Variants in MON1B observed in about 807,000 individuals in gnomAD.
The protein encoded by MON1B is vacuolar fusion protein MON1 homolog B.
MON1B carries 26 observed loss-of-function variants against 45.1 expected under a neutral mutation model. The ratio of observed to expected loss-of-function variants is 0.58; its 90% CI spans 0.42 to 0.80. The LOEUF (loss-of-function observed/expected upper bound fraction) is 0.80. Among genes scored for constraint, MON1B ranks in the 30% least tolerant of loss-of-function variants. The probability of loss-of-function intolerance (pLI) is 0.00; values close to 1 mark genes in which losing one functional copy is unlikely to be tolerated. For missense variants in MON1B, 737 were observed against 754.5 expected (o/e 0.98, Z 0.27); for synonymous variants, 395 against 320.2 (o/e 1.23, Z -2.49).
In MON1B at chr16:77,193,593, C is replaced by A. The variant is rs370682949; in HGVS notation, c.291C>A (p.Gly97=). 6.2e-7 allele frequency: 1 copy of A among 1,613,926 alleles called. No individual in the cohort carries two copies. Among genetic ancestry groups the A allele is most frequent in the Non-Finnish European group, 8.5e-7 (1 of 1,179,948 alleles). ...CTGAGAGTAGCTCTGGAGGCCAGGG[C>A]GGGGACCCCAGTGATGAGGAGTGGC... The part of the protein sequence containing the change: ...CSPESSSGGQ[G]GDPSDEEWRS... Residue 97 remains glycine, a synonymous_variant, in exon 3 of 6, where the codon GGC becomes GGA. Transcript: ENST00000248248. The surrounding 1 kb of genome is among the most constrained non-coding windows in gnomAD (Gnocchi z 5.0).
At position 77,193,071 on chromosome 16, in the gene MON1B, G is replaced by A. The variant is rs1031380191; in HGVS notation, c.149-380G>A. 2.6e-5 allele frequency among the ~76,000 whole-genome samples: 4 copies of A among 151,992 alleles called. No individual in the cohort carries two copies. The highest frequency in any genetic ancestry group is 9.7e-5 in the African/African-American group (4 of 41,342). On this transcript the variant is annotated intron_variant, in intron 2 of 5. Transcript: ENST00000248248. The surrounding 1 kb of genome is among the most constrained non-coding windows in gnomAD (Gnocchi z 5.0). Reference sequence around the variant, plus strand: ...AGCAGATATCAGGAGAAAAAATAGCGGTCAGAGGAGTTAATGGGGGATCAT... The same window carrying A: ...AGCAGATATCAGGAGAAAAAATAGCAGTCAGAGGAGTTAATGGGGGATCAT...
At chr16:77,196,549 G>C (rs191670683) in intron 5 of MON1B, among the ~76,000 whole-genome samples, 136 of 152,278 alleles carry the variant, frequency 8.9e-4, no homozygotes, top group African/African-American at 2.8e-3. Context: ...GCTGAGGCAG[G>C]CTGATCACTT....
intron 5 of MON1B, among the ~76,000 whole-genome samples, chr16:77,196,111 C>G (rs1428361481): frequency 1.3e-5 from 2 of 152,156 alleles, no homozygotes; most frequent in African/African-American, 2.4e-5. Flanking sequence ...CCTGGGGTAT[C>G]CTTCCCTTTG....
At position 77,194,538 on chromosome 16, in the gene MON1B, C is replaced by A. The variant is rs200069621; in HGVS notation, c.679C>A (p.Arg227Ser). The change falls in exon 4 of 6, where the codon CGC (arginine) becomes AGC (serine). Residue 227 changes from arginine to serine, a missense_variant. Coordinates refer to ENST00000248248, the MANE Select transcript of MON1B (RefSeq NM_014940.4). This position sits in a 1 kb window ranked among gnomAD's most constrained non-coding sequence, Gnocchi z 8.1. ...DLRRLLAGSE[R>S]TLDRLLDSME... ...CCGCCGCCTGCTGGCTGGTTCAGAGCGCACACTGGACCGACTTCTGGACAG... is the reference window on the plus strand; with the variant it reads ...CCGCCGCCTGCTGGCTGGTTCAGAGAGCACACTGGACCGACTTCTGGACAG... 179 of 1,613,900 alleles carry A rather than the reference C, an allele frequency of 1.1e-4. No homozygotes were observed. The Middle Eastern group carries it at 1.3e-3, about 12-fold the overall frequency.
chr16:77,197,352 T>C (rs1037983137), intron 5 of MON1B, among the ~76,000 whole-genome samples: 5 of 151,830 alleles, frequency 3.3e-5, no homozygotes, highest in Admixed American at 1.3e-4. Context: ...GCCGAGACCG[T>C]GCCACTGCAC....
chr16:77,194,490 G>A lies in MON1B; in HGVS notation c.631G>A (p.Ala211Thr), dbSNP rs752639410. 6 of 1,614,034 alleles carry A rather than the reference G, an allele frequency of 3.7e-6. No individual in the cohort carries two copies. The highest frequency in any genetic ancestry group is 3.3e-5 in the South Asian group (3 of 91,084). ...ACGTGCAAGTGTCGCCCGCATCTTC[G>A]CACACAAGCAGAACTATGACCTCCG... Reference protein sequence around the residue: ...LTRASVARIFAHKQNYDLRRL... With the variant: ...LTRASVARIFTHKQNYDLRRL... Residue 211 changes from alanine (A) to threonine (T), a missense_variant, in exon 4 of 6, where the codon GCA becomes ACA. Transcript: ENST00000248248. This position sits in a 1 kb window ranked among gnomAD's most constrained non-coding sequence, Gnocchi z 8.1.
At chr16:77,191,714 C>T in intron 2 of MON1B, 81 bp downstream of exon 2, 6 of 1,476,448 alleles carry the variant, frequency 4.1e-6, no homozygotes, top group African/African-American at 1.4e-5. Flanking sequence ...AGTGGGTGAC[C>T]AGTAGGGAGT....
In MON1B at chr16:77,194,216, G is replaced by A. The variant is rs2054640649; in HGVS notation, c.476-119G>A. The A allele has an allele frequency of 2.2e-6, 2 of 907,860 alleles. No homozygotes were observed. The highest frequency in any genetic ancestry group is 3.6e-6 in the Non-Finnish European group (2 of 554,316). 56.2% of individuals were successfully genotyped at this position (907,860 alleles called of 1,614,324 possible). On this transcript the variant is annotated intron_variant, in intron 3 of 5. Coordinates refer to ENST00000248248, the MANE Select transcript of MON1B (RefSeq NM_014940.4). This position sits in a 1 kb window ranked among gnomAD's most constrained non-coding sequence, Gnocchi z 8.1. Reference sequence around the variant, plus strand: ...ACCCCAGTCCAGGTGCCCACAGAGTGAGCATGTGGACTCGGGCCTGGTGTG... The same window carrying A: ...ACCCCAGTCCAGGTGCCCACAGAGTAAGCATGTGGACTCGGGCCTGGTGTG...
At position 77,201,596 on chromosome 16, in the gene MON1B, A is replaced by C. The variant is rs1024242624; in HGVS notation, c.*3288A>C. On this transcript the variant is annotated 3_prime_UTR_variant, in exon 6 of 6. Transcript: ENST00000248248. ...AAAATGCTCTTCCACTTCGGCAGTG[A>C]CCATGCGATGTAATCAAAGGAGAAT... 1 of 152,196 alleles carries C rather than the reference A, an allele frequency of 6.6e-6. No individual in the cohort carries two copies. Among genetic ancestry groups the C allele is most frequent in the Non-Finnish European group, 1.5e-5 (1 of 68,030 alleles). The allele number at this position is 152,196 out of a possible 1,614,324, so 9.4% of individuals were successfully genotyped here.
chr16:77,192,560 C>G (rs969532174), intron 2 of MON1B, among the ~76,000 whole-genome samples: 4 of 151,858 alleles, frequency 2.6e-5, no homozygotes, highest in African/African-American at 9.7e-5. Flanking sequence ...TCATTAAAGT[C>G]TTGTGTGTTA....
chr16:77,193,360 G>T lies in MON1B; in HGVS notation c.149-91G>T, dbSNP rs910103581. 3.9e-6 allele frequency: 5 copies of T among 1,289,382 alleles called. No homozygotes were observed. The highest frequency in any genetic ancestry group is 2.4e-5 in the Admixed American group (1 of 42,386). 79.9% of individuals were successfully genotyped at this position (1,289,382 alleles called of 1,614,324 possible). A position where few individuals can be genotyped will look rare whatever the true frequency, so the allele number is the denominator to read the frequency against. On this transcript the variant is annotated intron_variant, in intron 2 of 5. Coordinates refer to ENST00000248248, the MANE Select transcript of MON1B (RefSeq NM_014940.4). The surrounding 1 kb of genome is among the most constrained non-coding windows in gnomAD (Gnocchi z 5.0). ...TTCTGCGTCAGCATGCAGGGGTCATGGAGGGGCTAGTAGATATTTGGTGGG... is the reference window on the plus strand; with the variant it reads ...TTCTGCGTCAGCATGCAGGGGTCATTGAGGGGCTAGTAGATATTTGGTGGG...
chr16:77,193,677 G>A lies in MON1B; in HGVS notation c.375G>A (p.Arg125=). The A allele has an allele frequency of 6.2e-7, 1 of 1,614,110 alleles. No homozygotes were observed. The highest frequency in any genetic ancestry group is 8.5e-7 in the Non-Finnish European group (1 of 1,179,980). The part of the protein sequence containing the change: ...LSEAGKPIYS[R]YGSVEALSAT... ...AGGCTGGCAAGCCCATCTACTCGCG[G>A]TATGGTAGTGTGGAGGCGCTGTCGG... The change falls in exon 3 of 6, where the codon CGG becomes CGA. Residue 125 remains arginine, a synonymous_variant. Coordinates refer to ENST00000248248, the MANE Select transcript of MON1B (RefSeq NM_014940.4). This position sits in a 1 kb window ranked among gnomAD's most constrained non-coding sequence, Gnocchi z 5.0.
chr16:77,194,199 C>A lies in MON1B; in HGVS notation c.476-136C>A, dbSNP rs773260699. The A allele has an allele frequency of 1.2e-6, 1 of 808,174 alleles. No homozygotes were observed. The highest frequency in any genetic ancestry group is 2.1e-6 in the Non-Finnish European group (1 of 469,818). The allele number at this position is 808,174 out of a possible 1,614,324, so 50.1% of individuals were successfully genotyped here. A position where few individuals can be genotyped will look rare whatever the true frequency, so the allele number is the denominator to read the frequency against. The stretch of plus-strand genomic sequence containing the variant: ...TCCTCCAGCTTGTCCTTACCCCAGT[C>A]CAGGTGCCCACAGAGTGAGCATGTG... On this transcript the variant is annotated intron_variant, in intron 3 of 5. Transcript: ENST00000248248. This position sits in a 1 kb window ranked among gnomAD's most constrained non-coding sequence, Gnocchi z 8.1.
In MON1B at chr16:77,193,932, G is replaced by C; in HGVS notation, c.475+155G>C. ...AGCTCTGTCAGTGGCGGGAGGTGGGGGGGTTCATCTCTGTCTGGCCTGCTG... is the reference window on the plus strand; with the variant it reads ...AGCTCTGTCAGTGGCGGGAGGTGGGCGGGTTCATCTCTGTCTGGCCTGCTG... On this transcript the variant is annotated intron_variant, in intron 3 of 5. Transcript: ENST00000248248. This position sits in a 1 kb window ranked among gnomAD's most constrained non-coding sequence, Gnocchi z 5.0. The C allele has an allele frequency of 1.3e-6, 1 of 759,066 alleles. No homozygotes were observed. Among genetic ancestry groups the C allele is most frequent in the South Asian group, 1.9e-5 (1 of 53,930 alleles). The allele number at this position is 759,066 out of a possible 1,614,324, so 47.0% of individuals were successfully genotyped here.
chr16:77,192,647 G>A lies in MON1B; in HGVS notation c.149-804G>A, dbSNP rs551445725. On this transcript the variant is annotated intron_variant, in intron 2 of 5. Transcript: ENST00000248248. Reference sequence around the variant, plus strand: ...GAAGGTGGTCAGGGGAGTGACTGAAGGTCTCTGAAGTGCTGGGTGTTAGTG... The same window carrying A: ...GAAGGTGGTCAGGGGAGTGACTGAAAGTCTCTGAAGTGCTGGGTGTTAGTG... Among the ~76,000 whole-genome samples the A allele has an allele frequency of 7.9e-5, 12 of 152,218 alleles. No individual in the cohort carries two copies. In the South Asian group the frequency reaches 2.3e-3, roughly 29 times the overall value.
chr16:77,200,503 C>T lies in MON1B; in HGVS notation c.*2195C>T, dbSNP rs1450103406. The stretch of plus-strand genomic sequence containing the variant: ...GGGCTTGGTGGCTTATGCCTGTAAT[C>T]CCAGCACTTTGGAAGGCCGAGGCGG... On this transcript the variant is annotated 3_prime_UTR_variant, in exon 6 of 6. Transcript: ENST00000248248. 6.6e-6 allele frequency: 1 copy of T among 150,822 alleles called. No homozygotes were observed. The highest frequency in any genetic ancestry group is 6.6e-5 in the Admixed American group (1 of 15,174). The allele number at this position is 150,822 out of a possible 1,614,324, so 9.3% of individuals were successfully genotyped here.
Position 77,198,670 on chromosome 16 carries a change from T to C in MON1B, c.*362T>C. ...AATCTCAGCCCTGAGTGTCCAGATC[T>C]GGCCAAGGTGTCTAGGGTGGCCCAC... On this transcript the variant is annotated 3_prime_UTR_variant, in exon 6 of 6. Transcript: ENST00000248248. 1 of 310,600 alleles carries C rather than the reference T, an allele frequency of 3.2e-6. No individual in the cohort carries two copies. The highest frequency in any genetic ancestry group is 6.2e-6 in the Non-Finnish European group (1 of 162,516). 19.2% of individuals were successfully genotyped at this position (310,600 alleles called of 1,614,324 possible).
In MON1B at chr16:77,201,824, A is replaced by G. The variant is rs1023218559; in HGVS notation, c.*3516A>G. On this transcript the variant is annotated 3_prime_UTR_variant, in exon 6 of 6. Transcript: ENST00000248248. Reference sequence around the variant, plus strand: ...TCTAATTTAAATGTATTAAAATTAAATTATAAGTTGATAGGATTATTATTG... The same window carrying G: ...TCTAATTTAAATGTATTAAAATTAAGTTATAAGTTGATAGGATTATTATTG... 4 of 152,220 alleles carry G rather than the reference A, an allele frequency of 2.6e-5. No individual in the cohort carries two copies. The highest frequency in any genetic ancestry group is 9.6e-5 in the African/African-American group (4 of 41,458). 9.4% of individuals were successfully genotyped at this position (152,220 alleles called of 1,614,324 possible).
chr16:77,198,726 G>C lies in MON1B; in HGVS notation c.*418G>C, dbSNP rs932663329. 8.7e-6 allele frequency: 2 copies of C among 228,702 alleles called. No individual in the cohort carries two copies. Among genetic ancestry groups the C allele is most frequent in the African/African-American group, 4.4e-5 (2 of 44,968 alleles). 14.2% of individuals were successfully genotyped at this position (228,702 alleles called of 1,614,324 possible). Reference sequence around the variant, plus strand: ...TGCTGGAATTGGCACTTCAGGGCCAGGCTATGCTTGGGACTGGCCTGAGGG... The same window carrying C: ...TGCTGGAATTGGCACTTCAGGGCCACGCTATGCTTGGGACTGGCCTGAGGG... On this transcript the variant is annotated 3_prime_UTR_variant, in exon 6 of 6. Transcript: ENST00000248248.
Sources: allele counts gnomAD v4.1 joint callset (sites outside exome capture counted in the v4.1 genomes callset), GRCh38; gene constraint gnomAD v4.1.1; non-coding constraint Gnocchi (gnomAD v3.1); transcripts MANE v1.5; gene names NCBI Gene and HGNC (gene_info 2026-07-23, HGNC 2026-07-21).